ZNF385B: variants seen among roughly 807,000 people sequenced by gnomAD.
ZNF385B encodes the protein zinc finger protein 385B.
In ZNF385B, 23 loss-of-function variants were observed where a neutral mutation model predicts 39.2. The observed-to-expected ratio is 0.59, with a 90% CI of 0.42 to 0.83. ZNF385B has a LOEUF of 0.83. ZNF385B is among the 40% of genes least tolerant of loss of function. The probability of loss-of-function intolerance (pLI) is 0.00; values close to 1 mark genes in which losing one functional copy is unlikely to be tolerated. For synonymous variants in ZNF385B, 205 were observed against 222.6 expected (o/e 0.92, Z 0.70); for missense variants, 552 against 598.9 (o/e 0.92, Z 0.82).
chr2:179,687,778 A>G (rs950916190), intron 3 of ZNF385B, among the ~76,000 whole-genome samples: 6 of 152,220 alleles, frequency 3.9e-5, no homozygotes, highest in African/African-American at 1.2e-4. Flanking sequence ...ATAAAATAGT[A>G]GTAACAATAC....
chr2:179,584,256 T>A (rs2106046037), intron 3 of ZNF385B, among the ~76,000 whole-genome samples: 1 of 152,176 alleles, frequency 6.6e-6, no homozygotes, highest in Admixed American at 6.5e-5. Context: ...CCCCTTGTTA[T>A]AACAAAAAAT....
At chr2:179,596,779 T>C (rs1688034607) in intron 3 of ZNF385B, among the ~76,000 whole-genome samples, 1 of 152,220 alleles carries the variant, frequency 6.6e-6, no homozygotes, top group African/African-American at 2.4e-5. Context: ...TATCTCAAAT[T>C]GTCAAGACTG....
At chr2:179,450,410 AC>A (rs1296431894) in intron 6 of ZNF385B, among the ~76,000 whole-genome samples, 2 of 152,174 alleles carry the variant, frequency 1.3e-5, no homozygotes, top group African/African-American at 4.8e-5. Flanking sequence ...TTACAAAAAA[AC>A]AAACAACCCC....
rs144949016 is a variant in ZNF385B, at chr2:179,851,268, C to T, written c.-155+9833G>A. On this transcript the variant is annotated intron_variant, in intron 1 of 9. Coordinates refer to ENST00000410066, the MANE Select transcript of ZNF385B (RefSeq NM_152520.6). ...GAGTTCAAGACCAGCCCGTGCAACG[C>T]GGCAAGACATCACCAGTACATTATT... is the stretch of plus-strand genomic sequence containing the variant. Among the ~76,000 whole-genome samples the T allele has an allele frequency of 1.4e-4, 22 of 152,282 alleles. No individual in the cohort carries two copies. The East Asian group carries it at 3.5e-3, about 24-fold the overall frequency.
At chr2:179,702,899 C>A (rs1464731449) in intron 3 of ZNF385B, among the ~76,000 whole-genome samples, 1 of 152,128 alleles carries the variant, frequency 6.6e-6, no homozygotes, top group Non-Finnish European at 1.5e-5. Flanking sequence ...GTGTCAGTAT[C>A]ATAAACAAAC....
At chr2:179,525,531 G>T (rs1005007124) in intron 4 of ZNF385B, among the ~76,000 whole-genome samples, 1 of 152,200 alleles carries the variant, frequency 6.6e-6, no homozygotes, top group Non-Finnish European at 1.5e-5. Context: ...TTGCTGCTAA[G>T]CAGACCGCAG....
At chr2:179,639,101 A>C (rs766943180) in intron 3 of ZNF385B, among the ~76,000 whole-genome samples, 16 of 151,806 alleles carry the variant, frequency 1.1e-4, no homozygotes, top group Non-Finnish European at 2.2e-4. Flanking sequence ...ATGTGCTTGT[A>C]GTCCCAGCTA....
At chr2:179,694,185 G>A (rs1698551941) in intron 3 of ZNF385B, among the ~76,000 whole-genome samples, 1 of 152,120 alleles carries the variant, frequency 6.6e-6, no homozygotes, top group Non-Finnish European at 1.5e-5. Flanking sequence ...AAGTTGACCT[G>A]ATAACCAATT....
chr2:179,836,425 T>G (rs1292970502), intron 1 of ZNF385B, among the ~76,000 whole-genome samples: 1 of 152,088 alleles, frequency 6.6e-6, no homozygotes, highest in Non-Finnish European at 1.5e-5. Context: ...AATAAAAATG[T>G]AAAATAAGAG....
intron 3 of ZNF385B, among the ~76,000 whole-genome samples, chr2:179,667,270 C>T (rs560232603): frequency 7.2e-5 from 11 of 152,206 alleles, no homozygotes; most frequent in Admixed American, 3.3e-4. Flanking sequence ...CATATAGTAT[C>T]GAGTGAGCTT....
At chr2:179,841,840 T>C (rs2106616021) in intron 1 of ZNF385B, among the ~76,000 whole-genome samples, 1 of 152,308 alleles carries the variant, frequency 6.6e-6, no homozygotes. Context: ...GATGATGTCC[T>C]AGAACCAGAT....
At chr2:179,708,511 T>C (rs1699780232) in intron 3 of ZNF385B, among the ~76,000 whole-genome samples, 1 of 152,200 alleles carries the variant, frequency 6.6e-6, no homozygotes, top group East Asian at 1.9e-4. Context: ...TAGCAATAGA[T>C]GGTTAGGGAG....
At chr2:179,730,656 T>G (rs1701328049) in intron 3 of ZNF385B, among the ~76,000 whole-genome samples, 1 of 152,242 alleles carries the variant, frequency 6.6e-6, no homozygotes, top group South Asian at 2.1e-4. Flanking sequence ...TATGTACTAC[T>G]TCTATACTGA....
At chr2:179,719,472 T>C (rs985824597) in intron 3 of ZNF385B, among the ~76,000 whole-genome samples, 7 of 152,204 alleles carry the variant, frequency 4.6e-5, no homozygotes, top group Non-Finnish European at 8.8e-5. Flanking sequence ...CCAGAGGCTA[T>C]AACGGCAGAC....
intron 3 of ZNF385B, chr2:179,562,502 C>G (rs1288329828): frequency 1.0e-6 from 1 of 985,200 alleles, no homozygotes; most frequent in Non-Finnish European, 1.2e-6. Flanking sequence ...CTGGTGCTCC[C>G]GTGAAATGTG....
chr2:179,832,153 C>G (rs1708021085), intron 1 of ZNF385B, among the ~76,000 whole-genome samples: 1 of 152,200 alleles, frequency 6.6e-6, no homozygotes, highest in African/African-American at 2.4e-5. Flanking sequence ...TTGGACAAGT[C>G]TGGCCTTTTG....
intron 1 of ZNF385B, among the ~76,000 whole-genome samples, chr2:179,784,512 C>T (rs1297988119): frequency 6.6e-6 from 1 of 151,914 alleles, no homozygotes; most frequent in African/African-American, 2.4e-5. Flanking sequence ...CATCTGAATA[C>T]ACCATTCAGA....
intron 6 of ZNF385B, among the ~76,000 whole-genome samples, chr2:179,455,733 CA>C (rs34039086): frequency 0.3 from 45,956 of 150,718 alleles, 7,300 homozygotes; most frequent in African/African-American, 0.39. Context: ...ACCAAAAATA[CA>C]AAAAAAAATT....
At chr2:179,567,536 A>G (rs1684736016) in intron 3 of ZNF385B, among the ~76,000 whole-genome samples, 2 of 152,222 alleles carry the variant, frequency 1.3e-5, no homozygotes, top group South Asian at 4.1e-4. Context: ...CAGATATAGA[A>G]GTGGTACAGG....
Sources: allele counts gnomAD v4.1 joint callset (sites outside exome capture counted in the v4.1 genomes callset), GRCh38; gene constraint gnomAD v4.1.1; transcripts MANE v1.5; gene names NCBI Gene and HGNC (gene_info 2026-07-23, HGNC 2026-07-21).